The following MLANA variants were observed in gnomAD, a reference collection of about 807,000 sequenced individuals.
MLANA encodes the protein melanoma antigen recognized by T-cells 1.
In MLANA, 21 loss-of-function variants were observed where a neutral mutation model predicts 15.7. The observed-to-expected ratio is 1.33, with a 90% CI of 0.95 to 1.92. The LOEUF (loss-of-function observed/expected upper bound fraction) is 1.92, where lower values mean the gene tolerates loss of function less well. MLANA is among the 40% of genes most tolerant of loss of function. The probability of loss-of-function intolerance (pLI) is 0.00; values close to 1 mark genes in which losing one functional copy is unlikely to be tolerated. For synonymous variants in MLANA, 56 were observed against 51.5 expected (o/e 1.09, Z -0.37); for missense variants, 164 against 143.8 (o/e 1.14, Z -0.72).
rs949386496 is a variant in MLANA, at chr9:5,894,369, A to T, written c.77+1818A>T. Among the ~76,000 whole-genome samples, 28 of 152,154 alleles carry T rather than the reference A, an allele frequency of 1.8e-4. No individual in the cohort carries two copies. The highest frequency in any genetic ancestry group is 6.8e-4 in the African/African-American group (28 of 41,418). On this transcript the variant is annotated intron_variant, in intron 2 of 4. Transcript: ENST00000381477. This position sits in a 1 kb window ranked among gnomAD's most constrained non-coding sequence, Gnocchi z 4.0. Reference sequence around the variant, plus strand: ...AACAGGCATGGGACTGAGACTGAGGAGGCAAAGAAGGCATCGGGGCAACCA... The same window carrying T: ...AACAGGCATGGGACTGAGACTGAGGTGGCAAAGAAGGCATCGGGGCAACCA...
chr9:5,905,266 C>T (rs780421805), intron 3 of MLANA, among the ~76,000 whole-genome samples: 5 of 152,118 alleles, frequency 3.3e-5, no homozygotes, highest in Non-Finnish European at 5.9e-5. Flanking sequence ...GAATGGACCC[C>T]CTCTTCACCA....
At chr9:5,896,453 G>A (rs893757894) in intron 2 of MLANA, among the ~76,000 whole-genome samples, 1 of 152,170 alleles carries the variant, frequency 6.6e-6, no homozygotes, top group African/African-American at 2.4e-5. Context: ...TTTGGAGACG[G>A]ACAGGATAAG....
chr9:5,892,063 A>G (rs1312994120), intron 1 of MLANA, among the ~76,000 whole-genome samples: 1 of 152,228 alleles, frequency 6.6e-6, no homozygotes, highest in Admixed American at 6.5e-5. Context: ...TGTTAGCCAC[A>G]GCCCTGGGCC....
At chr9:5,896,839 C>T (rs1301486433) in intron 2 of MLANA, among the ~76,000 whole-genome samples, 5 of 152,178 alleles carry the variant, frequency 3.3e-5, no homozygotes, top group Non-Finnish European at 5.9e-5. Flanking sequence ...GCTGCTTAGA[C>T]AAGATCCTTC....
intron 2 of MLANA, among the ~76,000 whole-genome samples, chr9:5,895,569 T>C (rs1293703863): frequency 2.6e-5 from 4 of 152,204 alleles, no homozygotes; most frequent in African/African-American, 9.7e-5. Context: ...ACATACCTGC[T>C]TTGGGTATTA....
Position 5,906,951 on chromosome 9 carries a change from C to T in MLANA, c.241C>T (p.His81Tyr). 1.9e-6 allele frequency: 3 copies of T among 1,600,198 alleles called. No homozygotes were observed. Among genetic ancestry groups the T allele is most frequent in the South Asian group, 1.1e-5 (1 of 89,034 alleles). ...TRRCPQEGFDHRDSKVSLQEK... is the reference protein window; with the variant it reads ...TRRCPQEGFDYRDSKVSLQEK... The stretch of plus-strand genomic sequence containing the variant: ...AAGATGCCCACAAGAAGGGTTTGAT[C>T]ATCGGGACAGCAAAGTGTCTCTTCA... The change falls in exon 4 of 5, where the codon CAT becomes TAT. Residue 81 changes from histidine (H) to tyrosine (Y), a missense_variant. Transcript: ENST00000381477.
chr9:5,904,923 G>A (rs563533299), intron 3 of MLANA, among the ~76,000 whole-genome samples: 23 of 151,916 alleles, frequency 1.5e-4, no homozygotes, highest in African/African-American at 4.6e-4. Context: ...ACAGGTGCCC[G>A]CTACCATGCC....
chr9:5,907,911 C>T (rs1368961698), intron 4 of MLANA, among the ~76,000 whole-genome samples: 1 of 152,178 alleles, frequency 6.6e-6, no homozygotes, highest in East Asian at 1.9e-4. Flanking sequence ...CGAGATAGTG[C>T]CACTGCACTC....
intron 2 of MLANA, among the ~76,000 whole-genome samples, chr9:5,896,707 T>A (rs1455387855): frequency 1.3e-5 from 2 of 152,096 alleles, no homozygotes; most frequent in Non-Finnish European, 2.9e-5. Flanking sequence ...TTGCCCGGAG[T>A]GAACAGCTCC....
Position 5,908,758 on chromosome 9 carries a change from T to A in MLANA, c.*50T>A. 1 of 1,544,144 alleles carries A rather than the reference T, an allele frequency of 6.5e-7. No individual in the cohort carries two copies. The highest frequency in any genetic ancestry group is 9.0e-7 in the Non-Finnish European group (1 of 1,116,782). On this transcript the variant is annotated 3_prime_UTR_variant, in exon 5 of 5. Transcript: ENST00000381477. Reference sequence around the variant, plus strand: ...GCTGAAATTATTTCTCTCACACTTTTGCTTGAATTTAATACAGACATCTAA... The same window carrying A: ...GCTGAAATTATTTCTCTCACACTTTAGCTTGAATTTAATACAGACATCTAA...
At chr9:5,907,731 T>A (rs1476171500) in intron 4 of MLANA, among the ~76,000 whole-genome samples, 1 of 152,218 alleles carries the variant, frequency 6.6e-6, no homozygotes, top group African/African-American at 2.4e-5. Context: ...GGTGGGTGGA[T>A]CACCTGATCT....
rs750633035 is a variant in MLANA, at chr9:5,897,620, T to C, written c.141T>C (p.Tyr47=). 1.2e-6 allele frequency: 2 copies of C among 1,614,140 alleles called. No individual in the cohort carries two copies. The highest frequency in any genetic ancestry group is 8.5e-7 in the Non-Finnish European group (1 of 1,179,950). ...LGVLLLIGCW[Y]CRRRNGYRAL... ...TCTTACTGCTCATCGGCTGTTGGTATTGTAGAAGACGAAATGGATACAGAG... is the reference window on the plus strand; with the variant it reads ...TCTTACTGCTCATCGGCTGTTGGTACTGTAGAAGACGAAATGGATACAGAG... The change falls in exon 3 of 5, where the codon TAT becomes TAC. Residue 47 remains tyrosine (Y), a synonymous_variant. Transcript: ENST00000381477.
rs1832973963 is a variant in MLANA at position 5,908,695 on chromosome 9, C to T, written c.344C>T (p.Pro115Leu). ...CTCTCTGCAGAACAGTCACCACCACCTTATTCACCTTAAGAGCCAGCGAGA... is the reference window on the plus strand; with the variant it reads ...CTCTCTGCAGAACAGTCACCACCACTTTATTCACCTTAAGAGCCAGCGAGA... ...EKLSAEQSPP[P>L]YSP is the part of the protein sequence containing the mutation. The change falls in exon 5 of 5, where the codon CCT becomes CTT. Residue 115 changes from proline to leucine, a missense_variant. Coordinates refer to ENST00000381477, the MANE Select transcript of MLANA (RefSeq NM_005511.2). 6.2e-7 allele frequency: 1 copy of T among 1,613,884 alleles called. No individual in the cohort carries two copies. The highest frequency in any genetic ancestry group is 1.3e-5 in the African/African-American group (1 of 74,908).
intron 2 of MLANA, 109 bp from the exon 3 acceptor site, chr9:5,897,448 C>G: frequency 1.0e-6 from 1 of 976,326 alleles, no homozygotes; most frequent in East Asian, 2.5e-5. Context: ...CTGGGAGATG[C>G]TGCTCTGGGT....
At chr9:5,897,477 G>A in intron 2 of MLANA, 80 bp from the exon 3 acceptor site, 1 of 1,320,488 alleles carries the variant, frequency 7.6e-7, no homozygotes, top group Middle Eastern at 1.8e-4. Context: ...TCCATATGAA[G>A]AGGAAGACTG....
chr9:5,906,987 T>C lies in MLANA; in HGVS notation c.277T>C (p.Cys93Arg). 6.3e-7 allele frequency: 1 copy of C among 1,593,280 alleles called. No individual in the cohort carries two copies. The highest frequency in any genetic ancestry group is 8.5e-7 in the Non-Finnish European group (1 of 1,172,688). Residue 93 changes from cysteine (C) to arginine (R), a missense_variant, in exon 4 of 5, where the codon TGT becomes CGT. Coordinates refer to ENST00000381477, the MANE Select transcript of MLANA (RefSeq NM_005511.2). ...CAAAGTGTCTCTTCAAGAGAAAAAC[T>C]GTGAACCTGTGGTAGGTTAAGATCC... The part of the protein sequence containing the change: ...DSKVSLQEKN[C>R]EPVVPNAPPA...
intron 3 of MLANA, among the ~76,000 whole-genome samples, chr9:5,904,002 T>C (rs1446534462): frequency 5.3e-5 from 8 of 151,930 alleles, no homozygotes; most frequent in Admixed American, 5.2e-4. Context: ...GTATTACAGG[T>C]GTGCGCCACC....
Position 5,907,100 on chromosome 9 carries a change from C to T in MLANA, c.288+102C>T. 4.2e-6 allele frequency: 3 copies of T among 718,094 alleles called. No individual in the cohort carries two copies. The South Asian group carries it at 7.3e-5, about 18-fold the overall frequency. 44.5% of individuals were successfully genotyped at this position (718,094 alleles called of 1,614,324 possible). A position where few individuals can be genotyped will look rare whatever the true frequency, so the allele number is the denominator to read the frequency against. ...AAAAAGCAAGGACAATGTGAATGTACTCATTGCCACTGAACTATATACACC... is the reference window on the plus strand; with the variant it reads ...AAAAAGCAAGGACAATGTGAATGTATTCATTGCCACTGAACTATATACACC... On this transcript the variant is annotated intron_variant, in intron 4 of 4. Coordinates refer to ENST00000381477, the MANE Select transcript of MLANA (RefSeq NM_005511.2).
chr9:5,894,182 C>T lies in MLANA; in HGVS notation c.77+1631C>T, dbSNP rs148897073. ...GCTGATGCTAGTCAGCTCAGTAGGC[C>T]GAAAGTGGAGTTGTCCTTTGCCATG... On this transcript the variant is annotated intron_variant, in intron 2 of 4. Transcript: ENST00000381477. This position sits in a 1 kb window ranked among gnomAD's most constrained non-coding sequence, Gnocchi z 4.0. Among the ~76,000 whole-genome samples, 3 of 152,136 alleles carry T rather than the reference C, an allele frequency of 2.0e-5. No individual in the cohort carries two copies. The highest frequency in any genetic ancestry group is 3.9e-4 in the East Asian group (2 of 5,164).
Sources: gnomAD v4.1 joint callset for allele counts (sites outside exome capture counted in the v4.1 genomes callset) on GRCh38, gnomAD v4.1.1 for gene constraint, Gnocchi (gnomAD v3.1) non-coding constraint, MANE v1.5 for transcripts, NCBI Gene and HGNC (gene_info 2026-07-23, HGNC 2026-07-21) for gene names.